The following ZNF626 variants were observed in gnomAD, a reference collection of about 807,000 sequenced individuals.
ZNF626 encodes zinc finger protein 626.
Under a neutral mutation model 11.7 loss-of-function variants are expected in ZNF626, and 4 were observed. The observed-to-expected ratio is 0.34, with a 90% CI of 0.17 to 0.78. The LOEUF (loss-of-function observed/expected upper bound fraction) is 0.78. Ranked by LOEUF, ZNF626 falls within the 30% of genes least tolerant of loss-of-function variation. The probability of loss-of-function intolerance (pLI) is 0.57; values close to 1 mark genes in which losing one functional copy is unlikely to be tolerated. For missense variants in ZNF626, 588 were observed against 587.1 expected (o/e 1.00, Z -0.01); for synonymous variants, 179 against 198.6 (o/e 0.90, Z 0.83).
At position 20,624,903 on chromosome 19, in the gene ZNF626, G is replaced by A; in HGVS notation, c.974C>T (p.Ser325Phe). Residue 325 changes from serine to phenylalanine, a missense_variant, in exon 4 of 4, where the codon TCC (serine) becomes TTC (phenylalanine). Ser to Phe is a radical substitution (Grantham distance 155). Coordinates refer to ENST00000601440, the MANE Select transcript of ZNF626 (RefSeq NM_001076675.3). ...CEECDKAFKY[S>F]YTLTTHKRIH... is the part of the protein sequence containing the mutation. ...TCTTTTATGTGTAGTAAGGGTATAG[G>A]AGTACTTAAAGGCTTTGTCACATTC... 5.0e-6 allele frequency: 8 copies of A among 1,613,594 alleles called. No individual in the cohort carries two copies. The highest frequency in any genetic ancestry group is 6.8e-6 in the Non-Finnish European group (8 of 1,179,930).
At chr19:20,638,716 T>C (rs1009172214) in intron 3 of ZNF626, among the ~76,000 whole-genome samples, 2 of 152,022 alleles carry the variant, frequency 1.3e-5, no homozygotes, top group Admixed American at 6.5e-5. Context: ...AGCAGAAATC[T>C]ATAACTATAA....
At chr19:20,646,214 A>C (rs1471571193) in intron 2 of ZNF626, 65 bp downstream of exon 2, 1 of 1,468,252 alleles carries the variant, frequency 6.8e-7, no homozygotes, top group Non-Finnish European at 9.0e-7. Flanking sequence ...ATTACTAAAA[A>C]ACATTCTACA....
chr19:20,625,812 A>C (rs1449016168), intron 3 of ZNF626, among the ~76,000 whole-genome samples, 162 bp from the exon 4 acceptor site: 1 of 150,638 alleles, frequency 6.6e-6, no homozygotes, highest in South Asian at 2.1e-4. Flanking sequence ...TTTAACAAAA[A>C]CATACTGATC....
chr19:20,648,535 C>A (rs972946475), intron 1 of ZNF626, among the ~76,000 whole-genome samples: 40 of 151,228 alleles, frequency 2.6e-4, no homozygotes, highest in African/African-American at 9.2e-4. Context: ...TGCCACCAAG[C>A]CCAGCAAATT....
chr19:20,630,404 G>C (rs1426697383), intron 3 of ZNF626, among the ~76,000 whole-genome samples: 2 of 136,010 alleles, frequency 1.5e-5, no homozygotes, highest in Non-Finnish European at 3.1e-5. Context: ...GAATCCATCT[G>C]GTCCTGAACT....
rs1355441045 is a variant in ZNF626 at position 20,657,549 on chromosome 19, G to C, written c.3+3895C>G. Among the ~76,000 whole-genome samples the C allele has an allele frequency of 2.6e-5, 4 of 152,216 alleles. No homozygotes were observed. In the East Asian group the frequency reaches 7.7e-4, roughly 29 times the overall value. ...AGTCCAGGCATGGTGGCTCACGCCT[G>C]TAATCCCAGTACTTTGGGAGGCCGA... On this transcript the variant is annotated intron_variant, in intron 1 of 3. Coordinates refer to ENST00000601440, the MANE Select transcript of ZNF626 (RefSeq NM_001076675.3).
At position 20,621,782 on chromosome 19, in the gene ZNF626, T is replaced by C. The variant is rs1251887133; in HGVS notation, c.*2508A>G. 3 of 152,236 alleles carry C rather than the reference T, an allele frequency of 2.0e-5. No homozygotes were observed. Among genetic ancestry groups the C allele is most frequent in the Non-Finnish European group, 4.4e-5 (3 of 68,046 alleles). 9.4% of individuals were successfully genotyped at this position (152,236 alleles called of 1,614,324 possible). ...TGACATTCCACTACATACCAAATAG[T>C]ATACTTCTTCCATCTTTTGCTTACA... On this transcript the variant is annotated 3_prime_UTR_variant, in exon 4 of 4. Coordinates refer to ENST00000601440, the MANE Select transcript of ZNF626 (RefSeq NM_001076675.3).
intron 1 of ZNF626, among the ~76,000 whole-genome samples, chr19:20,660,055 A>T (rs1190671775): frequency 6.6e-6 from 1 of 151,992 alleles, no homozygotes; most frequent in Non-Finnish European, 1.5e-5. Flanking sequence ...TGAGGCAGAG[A>T]GTTCAAGACC....
chr19:20,629,183 T>C (rs1240962155), intron 3 of ZNF626, among the ~76,000 whole-genome samples: 1 of 152,208 alleles, frequency 6.6e-6, no homozygotes, highest in East Asian at 1.9e-4. Context: ...TTGGTTACTG[T>C]AGCCTTGTAG....
intron 1 of ZNF626, 90 bp downstream of exon 1, chr19:20,661,354 T>C (rs1424124309): frequency 2.6e-6 from 4 of 1,542,286 alleles, no homozygotes; most frequent in South Asian, 1.1e-5. Flanking sequence ...TGGAGCTGAC[T>C]GCGGGGAGGC....
intron 1 of ZNF626, among the ~76,000 whole-genome samples, chr19:20,660,782 A>G (rs1365311669): frequency 2.0e-5 from 3 of 152,140 alleles, no homozygotes; most frequent in Admixed American, 6.5e-5. Context: ...ATTGGCTGGG[A>G]TCAGACCGCA....
intron 1 of ZNF626, among the ~76,000 whole-genome samples, chr19:20,660,243 T>TAAA (rs35231346): frequency 2.9e-5 from 3 of 104,868 alleles, no homozygotes; most frequent in African/African-American, 3.8e-5. Context: ...ACACTGTGTC[T>TAAA]AAAAAAAAAA....
Position 20,645,686 on chromosome 19 carries a change from G to A in ZNF626, c.224C>T (p.Ser75Leu), listed in dbSNP as rs376276756. ...MKRNEMIAKPSVMCSHFAQDL... is the reference protein window; with the variant it reads ...MKRNEMIAKPLVMCSHFAQDL... Reference sequence around the variant, plus strand: ...TATTCATTTTCACTCACACCTACCTGAGGGTTTGGCTATCATCTCATTTCT... The same window carrying A: ...TATTCATTTTCACTCACACCTACCTAAGGGTTTGGCTATCATCTCATTTCT... Residue 75 changes from serine to leucine, a missense_variant and splice_region_variant, in exon 3 of 4, where the codon TCA becomes TTA. Around this residue, in one of 4 missense-constraint regions of ZNF626, gnomAD observed 524 missense variants for 470.1 expected, o/e 1.11. Coordinates refer to ENST00000601440, the MANE Select transcript of ZNF626 (RefSeq NM_001076675.3). 6.2e-7 allele frequency: 1 copy of A among 1,609,240 alleles called. No homozygotes were observed.
intron 1 of ZNF626, among the ~76,000 whole-genome samples, chr19:20,655,966 A>AT (rs1291406044): frequency 2.0e-5 from 3 of 151,320 alleles, no homozygotes; most frequent in East Asian, 3.9e-4. Context: ...GAATAGCAAA[A>AT]TTTTTTTTTG....
chr19:20,634,854 A>G (rs1555770785), intron 3 of ZNF626, among the ~76,000 whole-genome samples: 1 of 152,242 alleles, frequency 6.6e-6, no homozygotes, highest in African/African-American at 2.4e-5. Flanking sequence ...TCTGATTTCT[A>G]AACACATCAA....
intron 3 of ZNF626, among the ~76,000 whole-genome samples, chr19:20,642,720 A>G (rs1258641718): frequency 1.3e-5 from 2 of 152,024 alleles, no homozygotes; most frequent in Non-Finnish European, 2.9e-5. Flanking sequence ...TGGAAGTATC[A>G]TTACGAAAAT....
intron 3 of ZNF626, among the ~76,000 whole-genome samples, chr19:20,630,841 T>A (rs1441475633): frequency 3.3e-5 from 4 of 121,314 alleles, no homozygotes; most frequent in Middle Eastern, 3.8e-3. Context: ...TGTTTGCTCT[T>A]GCCTCTCTAG....
rs1292223169 is a variant in ZNF626 at position 20,621,309 on chromosome 19, TAG to T, written c.*2979_*2980del. On this transcript the variant is annotated 3_prime_UTR_variant, in exon 4 of 4. Transcript: ENST00000601440. ...GCCCAACTAATTTTTGTTGTTTTAG[TAG>T]AGAGTTTCACAATGTTGGTCAGGCT... The T allele has an allele frequency of 2.2e-4, 33 of 151,774 alleles. No individual in the cohort carries two copies. The highest frequency in any genetic ancestry group is 7.7e-4 in the African/African-American group (32 of 41,334). 9.4% of individuals were successfully genotyped at this position (151,774 alleles called of 1,614,324 possible).
At chr19:20,636,965 G>GAGCCAAA (rs1242311905) in intron 3 of ZNF626, among the ~76,000 whole-genome samples, 9 of 130,976 alleles carry the variant, frequency 6.9e-5, no homozygotes, top group Admixed American at 3.5e-4. Flanking sequence ...CGACTGTAAT[G>GAGCCAAA]AGCCAAAATC....
Sources: gnomAD v4.1 joint callset for allele counts (sites outside exome capture counted in the v4.1 genomes callset) on GRCh38, gnomAD v4.1.1 for gene constraint, gnomAD v4.1.1 regional missense constraint, MANE v1.5 for transcripts, NCBI Gene and HGNC (gene_info 2026-07-23, HGNC 2026-07-21) for gene names.